The following RBFOX3 variants were observed in gnomAD, a reference collection of about 807,000 sequenced individuals.
RBFOX3 encodes RNA binding protein fox-1 homolog 3.
In RBFOX3, 17 loss-of-function variants were observed where a neutral mutation model predicts 48.7. The observed-to-expected ratio is 0.35, with a 90% CI of 0.24 to 0.52. The LOEUF (loss-of-function observed/expected upper bound fraction) is 0.52, where lower values mean the gene tolerates loss of function less well. Among genes scored for constraint, RBFOX3 ranks in the 20% least tolerant of loss-of-function variants. The probability of loss-of-function intolerance (pLI) is 0.94; values close to 1 mark genes in which losing one functional copy is unlikely to be tolerated. For synonymous variants in RBFOX3, 212 were observed against 209.5 expected (o/e 1.01, Z -0.10); for missense variants, 382 against 497.5 (o/e 0.77, Z 2.21).
chr17:79,259,338 G>A (rs1567932615), intron 3 of RBFOX3, among the ~76,000 whole-genome samples: 2 of 152,342 alleles, frequency 1.3e-5, no homozygotes, highest in Non-Finnish European at 2.9e-5. Context: ...TGCAGGACCC[G>A]CAGCCCTGTG....
intron 4 of RBFOX3, among the ~76,000 whole-genome samples, chr17:79,174,734 C>T (rs543188224): frequency 3.3e-5 from 5 of 152,324 alleles, no homozygotes; most frequent in South Asian, 2.1e-4. Context: ...TGCATTCACA[C>T]GCACACATAC....
intron 1 of RBFOX3, among the ~76,000 whole-genome samples, chr17:79,501,583 C>T (rs992730140): frequency 9.9e-5 from 15 of 152,208 alleles, no homozygotes; most frequent in Non-Finnish European, 2.9e-5. Context: ...TCCAGCTGGG[C>T]CCCTCCCTCT....
intron 2 of RBFOX3, among the ~76,000 whole-genome samples, chr17:79,478,009 C>A (rs975970891): frequency 1.3e-5 from 2 of 152,174 alleles, no homozygotes; most frequent in African/African-American, 4.8e-5. Flanking sequence ...CTGGGAGCAA[C>A]GTCCCATCCG....
rs1031070494 is a variant in RBFOX3 at position 79,111,609 on chromosome 17, T to C, written c.222+3885A>G. On this transcript the variant is annotated intron_variant, in intron 5 of 14. Coordinates refer to ENST00000693108, the MANE Select transcript of RBFOX3 (RefSeq NM_001350451.2). The surrounding 1 kb of genome is among the most constrained non-coding windows in gnomAD (Gnocchi z 4.2). ...AGCCACCATGCCCGATTAATTTTTG[T>C]ATTTTTGTAGAGACAGGGTTCCACC... Among the ~76,000 whole-genome samples the C allele has an allele frequency of 2.0e-5, 3 of 152,164 alleles. No homozygotes were observed. The highest frequency in any genetic ancestry group is 7.2e-5 in the African/African-American group (3 of 41,436).
Position 79,421,906 on chromosome 17 carries a change from C to T in RBFOX3, c.-175+60548G>A, listed in dbSNP as rs892470749. ...AACCCACGCCCCACCCCAAGCTGCC[C>T]GGTCCTCAGCAACTGGCCCCATGTT... On this transcript the variant is annotated intron_variant, in intron 2 of 14. Coordinates refer to ENST00000693108, the MANE Select transcript of RBFOX3 (RefSeq NM_001350451.2). This position sits in a 1 kb window ranked among gnomAD's most constrained non-coding sequence, Gnocchi z 4.5. Among the ~76,000 whole-genome samples the T allele has an allele frequency of 5.3e-5, 8 of 152,120 alleles. No individual in the cohort carries two copies. The highest frequency in any genetic ancestry group is 9.7e-5 in the African/African-American group (4 of 41,428).
intron 2 of RBFOX3, among the ~76,000 whole-genome samples, chr17:79,375,304 G>A (rs1346711351): frequency 6.6e-6 from 1 of 151,552 alleles, no homozygotes; most frequent in Non-Finnish European, 1.5e-5. Flanking sequence ...GATGGGTAAA[G>A]AGGGGACAGG....
chr17:79,580,122 C>T (rs894750096), intron 1 of RBFOX3, among the ~76,000 whole-genome samples: 7 of 152,138 alleles, frequency 4.6e-5, no homozygotes, highest in South Asian at 4.2e-4. Context: ...CCAGTCCCAT[C>T]TCCTGAGTGC....
chr17:79,637,431 T>C, the RBFOX3 span, among the ~76,000 whole-genome samples: 2 of 151,996 alleles, frequency 1.3e-5, no homozygotes, highest in Non-Finnish European at 2.9e-5. Flanking sequence ...ATTCGGCTAA[T>C]GTCTGTAATC....
At chr17:79,157,949 T>C (rs1379355471) in intron 4 of RBFOX3, among the ~76,000 whole-genome samples, 1 of 152,194 alleles carries the variant, frequency 6.6e-6, no homozygotes, top group South Asian at 2.1e-4. Context: ...GACCGAGCTG[T>C]ATCACCCGCT....
rs891658302 is a variant in RBFOX3, at chr17:79,481,976, G to A, written c.-175+478C>T. On this transcript the variant is annotated intron_variant, in intron 2 of 14. Coordinates refer to ENST00000693108, the MANE Select transcript of RBFOX3 (RefSeq NM_001350451.2). The surrounding 1 kb of genome is among the most constrained non-coding windows in gnomAD (Gnocchi z 5.4). ...CCGGCGGTTAGTGTCAGAGCTGAACGGCAGTCACCCTCTCGGGGTGGGAAC... is the reference window on the plus strand; with the variant it reads ...CCGGCGGTTAGTGTCAGAGCTGAACAGCAGTCACCCTCTCGGGGTGGGAAC... Among the ~76,000 whole-genome samples the A allele has an allele frequency of 1.3e-4, 20 of 152,240 alleles. No homozygotes were observed. Among genetic ancestry groups the A allele is most frequent in the African/African-American group, 4.1e-4 (17 of 41,542 alleles).
At chr17:79,344,597 C>T (rs184004686) in intron 2 of RBFOX3, among the ~76,000 whole-genome samples, 95 of 152,060 alleles carry the variant, frequency 6.2e-4, no homozygotes, top group African/African-American at 2.3e-3. Flanking sequence ...CTCCATTGCC[C>T]AGGCTGGAGT....
At chr17:79,253,378 A>G (rs1362258299) in intron 3 of RBFOX3, among the ~76,000 whole-genome samples, 2 of 152,172 alleles carry the variant, frequency 1.3e-5, no homozygotes, top group African/African-American at 4.8e-5. Flanking sequence ...CGCCCAGATG[A>G]AAAAAACCTC....
intron 9 of RBFOX3, among the ~76,000 whole-genome samples, chr17:79,101,026 C>T (rs890353488): frequency 3.3e-5 from 5 of 152,152 alleles, no homozygotes; most frequent in African/African-American, 4.8e-5. Context: ...CACCTCCCCC[C>T]GGGCCCTTCC....
intron 2 of RBFOX3, among the ~76,000 whole-genome samples, chr17:79,396,761 C>T (rs2062038573): frequency 6.6e-6 from 1 of 152,238 alleles, no homozygotes; most frequent in Non-Finnish European, 1.5e-5. Context: ...GGACCAGCTA[C>T]ATAATTTGCA....
chr17:79,445,435 C>G (rs1374399815), intron 2 of RBFOX3, among the ~76,000 whole-genome samples: 1 of 152,132 alleles, frequency 6.6e-6, no homozygotes, highest in Non-Finnish European at 1.5e-5. Context: ...GGAGGAGACT[C>G]GATTCTCTAA....
intron 2 of RBFOX3, among the ~76,000 whole-genome samples, chr17:79,462,547 A>T (rs1224833564): frequency 6.6e-6 from 1 of 152,174 alleles, no homozygotes; most frequent in Non-Finnish European, 1.5e-5. Context: ...GGGACATGAG[A>T]CAAATGCCTG....
Position 79,477,557 on chromosome 17 carries a change from G to A in RBFOX3, c.-175+4897C>T, listed in dbSNP as rs1400606329. 7.1e-5 allele frequency among the ~76,000 whole-genome samples: 10 copies of A among 140,668 alleles called. No homozygotes were observed. The highest frequency in any genetic ancestry group is 7.9e-4 in the East Asian group (2 of 2,526). 92.3% of individuals were successfully genotyped at this position (140,668 alleles called of 152,430 possible). ...GGCGACAGAGCGAAACTCCGTCACC[G>A]GAAAAAAAAAAAGAGGAGGAGGAGT... On this transcript the variant is annotated intron_variant, in intron 2 of 14. Coordinates refer to ENST00000693108, the MANE Select transcript of RBFOX3 (RefSeq NM_001350451.2). The surrounding 1 kb of genome is among the most constrained non-coding windows in gnomAD (Gnocchi z 4.8).
intron 1 of RBFOX3, among the ~76,000 whole-genome samples, chr17:79,517,801 A>C (rs903875203): frequency 6.6e-6 from 1 of 152,138 alleles, no homozygotes; most frequent in Non-Finnish European, 1.5e-5. Context: ...TCCGCTTCTG[A>C]GACACATGAT....
intron 1 of RBFOX3, chr17:79,598,076 T>G (rs12947064): frequency 0.67 from 102,251 of 152,162 alleles, 34,474 homozygotes; most frequent in East Asian, 0.8. Context: ...CCACCCTCTT[T>G]CCACCATCCC....
Sources: gnomAD v4.1 joint callset for allele counts (sites outside exome capture counted in the v4.1 genomes callset) on GRCh38, gnomAD v4.1.1 for gene constraint, Gnocchi (gnomAD v3.1) non-coding constraint, MANE v1.5 for transcripts, NCBI Gene and HGNC (gene_info 2026-07-23, HGNC 2026-07-21) for gene names.